BIRC6: variants seen among roughly 807,000 people sequenced by gnomAD.
The protein encoded by BIRC6 is dual E2 ubiquitin-conjugating enzyme/E3 ubiquitin-protein ligase BIRC6.
A neutral mutation model predicts 503.3 loss-of-function variants in BIRC6; 98 were observed. The observed-to-expected ratio is 0.19, with a 90% CI of 0.17 to 0.23. The LOEUF (loss-of-function observed/expected upper bound fraction) is 0.23. Among genes scored for constraint, BIRC6 ranks in the 10% least tolerant of loss-of-function variants. The probability of loss-of-function intolerance (pLI) is 1.00; values close to 1 mark genes in which losing one functional copy is unlikely to be tolerated. For synonymous variants in BIRC6, 2,240 were observed against 2,078.7 expected, an observed-to-expected ratio of 1.08 and a Z score of -2.11; for missense variants, 5,360 against 5,806.0, an observed-to-expected ratio of 0.92 and a Z score of 2.50.
chr2:32,570,000 C>T (rs2059813106), intron 65 of BIRC6, among the ~76,000 whole-genome samples: 1 of 151,892 alleles, frequency 6.6e-6, no homozygotes, highest in Non-Finnish European at 1.5e-5. Flanking sequence ...TTGACTTGTT[C>T]CAGTTCTTAG....
rs531982360 is a variant in BIRC6 at position 32,390,562 on chromosome 2, C to T, written c.840-1477C>T. 9.2e-5 allele frequency among the ~76,000 whole-genome samples: 14 copies of T among 152,096 alleles called. No individual in the cohort carries two copies. In the East Asian group the frequency reaches 9.7e-4, roughly 11 times the overall value. On this transcript the variant is annotated intron_variant, in intron 4 of 73. Coordinates refer to ENST00000421745, the MANE Select transcript of BIRC6 (RefSeq NM_016252.4). ...ACTCCTGACCTCAAGGTGATCTACC[C>T]GTCTTGGCCTCCTAGAGTGCTGGGA...
At chr2:32,470,084 G>C (rs1237975940) in intron 30 of BIRC6, 84 bp from the exon 31 acceptor site, 2 of 1,169,024 alleles carry the variant, frequency 1.7e-6, no homozygotes, top group African/African-American at 1.6e-5. Context: ...TCATTACTCT[G>C]TTAAATTTCT....
chr2:32,412,327 T>A (rs914098132), intron 9 of BIRC6, among the ~76,000 whole-genome samples: 10 of 152,068 alleles, frequency 6.6e-5, no homozygotes, highest in African/African-American at 1.9e-4. Context: ...TGAAAACCCA[T>A]CTCTACTAAA....
In BIRC6 at chr2:32,415,853, C is replaced by G. The variant is rs2042323071; in HGVS notation, c.2562C>G (p.Asp854Glu). The change falls in exon 10 of 74, where the codon GAC becomes GAG. Residue 854 changes from aspartate to glutamate, a missense_variant. Physicochemically the swap from Asp to Glu is conservative, Grantham distance 45. Around this residue, in one of 16 missense-constraint regions of BIRC6, gnomAD observed 700 missense variants for 739.3 expected, o/e 0.95. Transcript: ENST00000421745. Reference sequence around the variant, plus strand: ...TACAACATATCAAAGATCCCCAGGACACAATTACCTCGCTCATTTTGCTTC... The same window carrying G: ...TACAACATATCAAAGATCCCCAGGAGACAATTACCTCGCTCATTTTGCTTC... ...IKIQHIKDPQDTITSLILLPP... is the reference protein window; with the variant it reads ...IKIQHIKDPQETITSLILLPP... 2 of 1,613,900 alleles carry G rather than the reference C, an allele frequency of 1.2e-6. No homozygotes were observed. The highest frequency in any genetic ancestry group is 4.5e-5 in the East Asian group (2 of 44,880).
At chr2:32,575,034 C>A in intron 65 of BIRC6, 122 bp from the exon 66 acceptor site, 1 of 1,005,050 alleles carries the variant, frequency 9.9e-7, no homozygotes, top group South Asian at 1.5e-5. Context: ...AGGCCTGAAC[C>A]AGCGTGCCCA....
chr2:32,489,924 TGG>T, intron 42 of BIRC6, 115 bp from the exon 43 acceptor site: 1 of 666,918 alleles, frequency 1.5e-6, no homozygotes, highest in Non-Finnish European at 2.7e-6. Context: ...TTGAAGACAC[TGG>T]TTAAGGAGCG....
chr2:32,398,495 A>G (rs1235328062), intron 6 of BIRC6, among the ~76,000 whole-genome samples: 1 of 152,228 alleles, frequency 6.6e-6, no homozygotes, highest in African/African-American at 2.4e-5. Context: ...TGTCATGTAC[A>G]GTGACACCAA....
At position 32,401,240 on chromosome 2, in the gene BIRC6, C is replaced by T. The variant is rs774201388; in HGVS notation, c.1112C>T (p.Thr371Ile). 4 of 1,614,066 alleles carry T rather than the reference C, an allele frequency of 2.5e-6. No individual in the cohort carries two copies. Among genetic ancestry groups the T allele is most frequent in the Non-Finnish European group, 3.4e-6 (4 of 1,179,908 alleles). ...EHTQNVPLSV[T>I]LATSPAQFPC... The stretch of plus-strand genomic sequence containing the variant: ...ACACAGAATGTGCCATTGTCAGTCA[C>T]TCTTGCAACAAGTCCTGCACAGTTT... The change falls in exon 7 of 74, where the codon ACT becomes ATT. Residue 371 changes from threonine (T) to isoleucine (I), a missense_variant. Thr to Ile is a moderately conservative substitution (Grantham distance 89). Transcript: ENST00000421745.
rs1443382147 is a variant in BIRC6, at chr2:32,597,682, T to C, written c.13613-69T>C. 7.0e-6 allele frequency: 8 copies of C among 1,138,766 alleles called. No individual in the cohort carries two copies. In the Admixed American group the frequency reaches 1.0e-4, roughly 14 times the overall value. 70.5% of individuals were successfully genotyped at this position (1,138,766 alleles called of 1,614,324 possible). On this transcript the variant is annotated intron_variant, in intron 68 of 73. Coordinates refer to ENST00000421745, the MANE Select transcript of BIRC6 (RefSeq NM_016252.4). ...AGTTGAGTGGGAGAAGGACTAGTGA[T>C]TGTTTGTGATTTTTGTCATTATAAC...
intron 8 of BIRC6, among the ~76,000 whole-genome samples, chr2:32,402,955 T>C (rs944474142): frequency 8.5e-5 from 13 of 152,228 alleles, no homozygotes; most frequent in Non-Finnish European, 1.5e-4. Flanking sequence ...TAAACATGTA[T>C]TCTGTATTAT....
chr2:32,571,243 A>G (rs1319224642), intron 65 of BIRC6, among the ~76,000 whole-genome samples: 2 of 152,168 alleles, frequency 1.3e-5, no homozygotes, highest in African/African-American at 4.8e-5. Flanking sequence ...TTTTGGTATC[A>G]GCATATTACC....
At chr2:32,472,949 A>T in intron 32 of BIRC6, 163 bp from the exon 33 acceptor site, 3 of 583,850 alleles carry the variant, frequency 5.1e-6, no homozygotes. Context: ...TCCAGTCTTT[A>T]TAGAATCAGA....
rs151036169 is a variant in BIRC6, at chr2:32,582,641, C to T, written c.13355+7275C>T. On this transcript the variant is annotated intron_variant, in intron 66 of 73. Coordinates refer to ENST00000421745, the MANE Select transcript of BIRC6 (RefSeq NM_016252.4). Reference sequence around the variant, plus strand: ...TTAGCTGCGTGTGGTGGCACGCACCCGTAATCCCAGCTACCGAGGCAGGAG... The same window carrying T: ...TTAGCTGCGTGTGGTGGCACGCACCTGTAATCCCAGCTACCGAGGCAGGAG... 3.9e-3 allele frequency among the ~76,000 whole-genome samples: 598 copies of T among 152,056 alleles called. 3 individuals carry two copies. Among genetic ancestry groups the T allele is most frequent in the African/African-American group, 0.014 (563 of 41,462 alleles).
chr2:32,599,843 A>T lies in BIRC6; in HGVS notation c.13935A>T (p.Leu4645=), dbSNP rs757193804. 1 of 1,613,916 alleles carries T rather than the reference A, an allele frequency of 6.2e-7. No individual in the cohort carries two copies. Residue 4645 remains leucine, a synonymous_variant, in exon 70 of 74, where the codon CTA becomes CTT. Coordinates refer to ENST00000421745, the MANE Select transcript of BIRC6 (RefSeq NM_016252.4). ...CCAGTTCACCCCCTCTTGTGAATCT[A>T]GAGACAACTGGTGGTCATAGCGTGC... ...DYPSSPPLVN[L]ETTGGHSVRF... is the part of the protein sequence containing the mutation.
rs753665962 is a variant in BIRC6, at chr2:32,508,195, A to G, written c.9916A>G (p.Thr3306Ala). 1.4e-5 allele frequency: 22 copies of G among 1,610,868 alleles called. No individual in the cohort carries two copies. Among genetic ancestry groups the G allele is most frequent in the Non-Finnish European group, 1.8e-5 (21 of 1,179,314 alleles). Residue 3306 changes from threonine to alanine, a missense_variant, in exon 51 of 74, where the codon ACC becomes GCC. By Grantham distance (58) the Thr-to-Ala change is moderately conservative. Coordinates refer to ENST00000421745, the MANE Select transcript of BIRC6 (RefSeq NM_016252.4). ...ATTATTGGGGCTCACTGCTTTTGGT[A>G]CCACCTCTTCTGCAACAGTTAATAA... Reference protein sequence around the residue: ...IKLLGLTAFGTTSSATVNNPF... With the variant: ...IKLLGLTAFGATSSATVNNPF...
At chr2:32,378,824 A>G (rs901364980) in intron 2 of BIRC6, 5 of 152,206 alleles carry the variant, frequency 3.3e-5, no homozygotes, top group African/African-American at 1.2e-4. Flanking sequence ...TTAGCCATAT[A>G]TACTTTTCTG....
At chr2:32,404,047 C>T (rs1434806268) in intron 8 of BIRC6, among the ~76,000 whole-genome samples, 1 of 150,946 alleles carries the variant, frequency 6.6e-6, no homozygotes, top group East Asian at 2.0e-4. Context: ...TCTGCCTTAG[C>T]CTCCTTGAGT....
rs1572401718 is a variant in BIRC6, at chr2:32,611,314, T to C, written c.14260-134T>C. On this transcript the variant is annotated intron_variant, in intron 72 of 73. Coordinates refer to ENST00000421745, the MANE Select transcript of BIRC6 (RefSeq NM_016252.4). ...GTATTTATAATAATATTCTAAATAT[T>C]AATTTAAATGTATTTATAGAATAAA... 7.1e-6 allele frequency: 3 copies of C among 423,328 alleles called. No homozygotes were observed. In the East Asian group the frequency reaches 1.8e-4, roughly 25 times the overall value. 26.2% of individuals were successfully genotyped at this position (423,328 alleles called of 1,614,324 possible).
intron 21 of BIRC6, among the ~76,000 whole-genome samples, chr2:32,448,583 TGAGCC>T (rs910806081): frequency 1.3e-5 from 2 of 151,440 alleles, no homozygotes; most frequent in Non-Finnish European, 1.5e-5. Flanking sequence ...GAGGTTGCAG[TGAGCC>T]GAGATCGCAG....
Sources: allele counts gnomAD v4.1 joint callset (sites outside exome capture counted in the v4.1 genomes callset), GRCh38; gene constraint gnomAD v4.1.1; regional missense constraint gnomAD v4.1.1; transcripts MANE v1.5; gene names NCBI Gene and HGNC (gene_info 2026-07-23, HGNC 2026-07-21).